ELAPOR1: variants seen among roughly 807,000 people sequenced by gnomAD.
ELAPOR1 encodes the protein endosome-lysosome associated apoptosis and autophagy regulator 1, also known as endosome/lysosome-associated apoptosis and autophagy regulator 1.
A neutral mutation model predicts 119.7 loss-of-function variants in ELAPOR1; 77 were observed. That is an observed-to-expected ratio of 0.64 (90% CI 0.54 to 0.78). The LOEUF (loss-of-function observed/expected upper bound fraction) is 0.78, where lower values mean the gene tolerates loss of function less well. ELAPOR1 is among the 30% of genes least tolerant of loss of function. ELAPOR1 has a pLI of 0.00. For missense variants in ELAPOR1, 1,115 were observed against 1,270.4 expected (o/e 0.88, Z 1.86); for synonymous variants, 481 against 487.2 (o/e 0.99, Z 0.17).
chr1:109,172,969 T>C (rs1253160042), intron 5 of ELAPOR1, among the ~76,000 whole-genome samples: 3 of 151,956 alleles, frequency 2.0e-5, no homozygotes, highest in African/African-American at 7.3e-5. Context: ...TGGTGGCCCA[T>C]GCTTGTAATC....
chr1:109,174,834 G>A (rs1652164528), intron 7 of ELAPOR1, among the ~76,000 whole-genome samples: 1 of 151,998 alleles, frequency 6.6e-6, no homozygotes, highest in Admixed American at 6.6e-5. Flanking sequence ...TTCTGCCTCA[G>A]GCTCCTGAGT....
intron 1 of ELAPOR1, among the ~76,000 whole-genome samples, chr1:109,116,264 T>C (rs2100946664): frequency 6.6e-6 from 1 of 152,304 alleles, no homozygotes; most frequent in East Asian, 1.9e-4. Flanking sequence ...CCTACCAGGG[T>C]TTCAGTCCTG....
intron 3 of ELAPOR1, among the ~76,000 whole-genome samples, chr1:109,171,477 G>A (rs1473361920): frequency 2.6e-5 from 4 of 151,926 alleles, no homozygotes; most frequent in Non-Finnish European, 5.9e-5. Context: ...GCTTGAACCC[G>A]GGAGGCAGAG....
chr1:109,142,741 C>T (rs1485163575), intron 1 of ELAPOR1, among the ~76,000 whole-genome samples: 1 of 152,140 alleles, frequency 6.6e-6, no homozygotes, highest in African/African-American at 2.4e-5. Context: ...AACAGTTTGG[C>T]AGTTCCTCAA....
At position 109,172,990 on chromosome 1, in the gene ELAPOR1, G is replaced by A. The variant is rs1044896466; in HGVS notation, c.696+422G>A. Among the ~76,000 whole-genome samples, 6 of 151,830 alleles carry A rather than the reference G, an allele frequency of 4.0e-5. No homozygotes were observed. In the East Asian group the frequency reaches 5.8e-4, roughly 15 times the overall value. On this transcript the variant is annotated intron_variant, in intron 5 of 21. Transcript: ENST00000369939. ...CCCATGCTTGTAATCCCAGCTACTC[G>A]GGAGGCTGAGGCAGGAGACTCGCTT...
chr1:109,188,984 A>G (rs1653245906), intron 9 of ELAPOR1, 82 bp from the exon 10 acceptor site: 2 of 1,553,648 alleles, frequency 1.3e-6, no homozygotes, highest in Non-Finnish European at 1.8e-6. Context: ...TACTGTTGCA[A>G]CTTGTCTGTG....
At chr1:109,117,315 G>A (rs920468954) in intron 1 of ELAPOR1, among the ~76,000 whole-genome samples, 5 of 152,192 alleles carry the variant, frequency 3.3e-5, no homozygotes, top group East Asian at 1.9e-4. Context: ...CGTTTCTTTA[G>A]CCAAGGCTAA....
intron 15 of ELAPOR1, among the ~76,000 whole-genome samples, chr1:109,195,289 C>T (rs1044046604): frequency 1.3e-5 from 2 of 151,814 alleles, no homozygotes; most frequent in East Asian, 1.9e-4. Context: ...GTCAGGAGAT[C>T]GAGACCATTC....
intron 3 of ELAPOR1, among the ~76,000 whole-genome samples, chr1:109,165,306 G>A (rs1651519705): frequency 6.6e-6 from 1 of 152,098 alleles, no homozygotes; most frequent in Non-Finnish European, 1.5e-5. Flanking sequence ...ACAAAAACCG[G>A]CAGGGCGCGG....
intron 21 of ELAPOR1, 111 bp downstream of exon 21, chr1:109,201,011 C>T (rs1035522575): frequency 2.7e-5 from 26 of 963,536 alleles, no homozygotes; most frequent in Non-Finnish European, 3.5e-5. Flanking sequence ...CTGCTCCCCA[C>T]GCCCGATACA....
intron 1 of ELAPOR1, among the ~76,000 whole-genome samples, chr1:109,142,329 A>G (rs1649879784): frequency 6.6e-6 from 1 of 152,234 alleles, no homozygotes; most frequent in African/African-American, 2.4e-5. Context: ...AAAGAAAGCT[A>G]TGAAGTTAGG....
intron 1 of ELAPOR1, among the ~76,000 whole-genome samples, chr1:109,120,973 G>T (rs577433195): frequency 1.1e-4 from 17 of 152,260 alleles, no homozygotes; most frequent in Non-Finnish European, 2.4e-4. Context: ...CTCAATAAGA[G>T]CTATCTACTG....
chr1:109,192,978 C>A, intron 14 of ELAPOR1, 104 bp downstream of exon 14: 1 of 1,294,876 alleles, frequency 7.7e-7, no homozygotes, highest in Non-Finnish European at 1.1e-6. Context: ...TACCCGAGTG[C>A]TCCCCCTAGC....
At chr1:109,153,998 G>A (rs2101025021) in intron 1 of ELAPOR1, among the ~76,000 whole-genome samples, 1 of 152,154 alleles carries the variant, frequency 6.6e-6, no homozygotes, top group Middle Eastern at 3.4e-3. Flanking sequence ...TGAAAGAAAA[G>A]GGGCCGGGTG....
chr1:109,169,150 CACTG>C (rs142905122), intron 3 of ELAPOR1, among the ~76,000 whole-genome samples: 12,117 of 152,234 alleles, frequency 0.08, 619 homozygotes, highest in Non-Finnish European at 0.11. Flanking sequence ...TTGAGAATAA[CACTG>C]ACTGTCAAAG....
intron 21 of ELAPOR1, 121 bp from the exon 22 acceptor site, chr1:109,202,823 C>A: frequency 1.1e-6 from 1 of 916,040 alleles, no homozygotes; most frequent in Non-Finnish European, 1.8e-6. Context: ...TGTGTTTCCA[C>A]AAAGCCACTG....
chr1:109,126,111 C>T (rs1648761897), intron 1 of ELAPOR1, among the ~76,000 whole-genome samples: 1 of 152,192 alleles, frequency 6.6e-6, no homozygotes, highest in Non-Finnish European at 1.5e-5. Flanking sequence ...TCATTAAGTG[C>T]TATGCAGGAA....
In ELAPOR1 at chr1:109,205,667, C is replaced by G. The variant is rs573785826; in HGVS notation, c.*2655C>G. ...TTTCTTTTGTGACAAAGGCCACAGA[C>G]AGCCCTTAGACTATTCCGGAAACAG... On this transcript the variant is annotated 3_prime_UTR_variant, in exon 22 of 22. Transcript: ENST00000369939. 1.3e-5 allele frequency: 2 copies of G among 152,212 alleles called. No homozygotes were observed. Among genetic ancestry groups the G allele is most frequent in the Non-Finnish European group, 2.9e-5 (2 of 68,038 alleles). The allele number at this position is 152,212 out of a possible 1,614,324, so 9.4% of individuals were successfully genotyped here.
At chr1:109,124,210 T>C (rs544450963) in intron 1 of ELAPOR1, among the ~76,000 whole-genome samples, 35 of 152,110 alleles carry the variant, frequency 2.3e-4, no homozygotes, top group Non-Finnish European at 4.3e-4. Flanking sequence ...TTAATAAATA[T>C]AGGTCTACAT....
Sources: allele counts gnomAD v4.1 joint callset (sites outside exome capture counted in the v4.1 genomes callset), GRCh38; gene constraint gnomAD v4.1.1; transcripts MANE v1.5; gene names NCBI Gene and HGNC (gene_info 2026-07-23, HGNC 2026-07-21).